Variants in KPNA1 observed in about 807,000 individuals in gnomAD.
KPNA1 encodes the protein karyopherin subunit alpha 1.
Under a neutral mutation model 70.5 loss-of-function variants are expected in KPNA1, and 10 were observed. That is an observed-to-expected ratio of 0.14 (90% confidence interval 0.09 to 0.24). The LOEUF (loss-of-function observed/expected upper bound fraction) is 0.24. Among genes scored for constraint, KPNA1 ranks in the 10% least tolerant of loss-of-function variants. The pLI, the probability that KPNA1 is intolerant of heterozygous loss-of-function variation, is 1.00. For missense variants in KPNA1, 397 were observed against 637.9 expected (o/e 0.62, Z 4.07); for synonymous variants, 192 against 221.9 (o/e 0.87, Z 1.20).
chr3:122,501,136 C>G (rs536272754), intron 1 of KPNA1, among the ~76,000 whole-genome samples: 1 of 149,308 alleles, frequency 6.7e-6, no homozygotes, highest in South Asian at 2.1e-4. Flanking sequence ...TCAAGTGATT[C>G]TCCTGCCTCA....
intron 2 of KPNA1, among the ~76,000 whole-genome samples, chr3:122,477,768 T>C (rs2076519246): frequency 6.6e-6 from 1 of 152,078 alleles, no homozygotes; most frequent in Non-Finnish European, 1.5e-5. Flanking sequence ...ATTTGCTTGA[T>C]TTAGCCATTC....
intron 2 of KPNA1, among the ~76,000 whole-genome samples, chr3:122,482,484 C>A (rs562884043): frequency 7.8e-4 from 118 of 152,198 alleles, no homozygotes; most frequent in South Asian, 3.5e-3. Flanking sequence ...TTCAACACTG[C>A]ACCATTAAGT....
intron 1 of KPNA1, among the ~76,000 whole-genome samples, chr3:122,514,272 G>C (rs2076990196): frequency 6.6e-6 from 1 of 151,986 alleles, no homozygotes; most frequent in Admixed American, 6.5e-5. Flanking sequence ...TGTAACTTGT[G>C]AATTCCCAAG....
At chr3:122,489,539 G>C (rs2076673640) in intron 2 of KPNA1, among the ~76,000 whole-genome samples, 1 of 152,000 alleles carries the variant, frequency 6.6e-6, no homozygotes, top group Non-Finnish European at 1.5e-5. Context: ...CAAAGCACTG[G>C]GATTATAGGT....
At chr3:122,497,107 C>T (rs943614579) in intron 1 of KPNA1, among the ~76,000 whole-genome samples, 2 of 152,196 alleles carry the variant, frequency 1.3e-5, no homozygotes, top group Non-Finnish European at 2.9e-5. Context: ...ATTTTAATCA[C>T]CTCAAAAAGA....
At chr3:122,446,595 C>T (rs927342500) in intron 9 of KPNA1, among the ~76,000 whole-genome samples, 2 of 152,174 alleles carry the variant, frequency 1.3e-5, no homozygotes, top group African/African-American at 4.8e-5. Context: ...CAACACCCAA[C>T]ATCACCATTA....
chr3:122,427,540 T>A lies in KPNA1; in HGVS notation c.1427A>T (p.Tyr476Phe). 1 of 1,611,502 alleles carries A rather than the reference T, an allele frequency of 6.2e-7. No individual in the cohort carries two copies. Among genetic ancestry groups the A allele is most frequent in the Non-Finnish European group, 8.5e-7 (1 of 1,178,912 alleles). The change falls in exon 13 of 14, where the codon TAT becomes TTT. Residue 476 changes from tyrosine to phenylalanine, a missense_variant and splice_region_variant. Tyr to Phe is a conservative substitution (Grantham distance 22). Transcript: ENST00000344337. ...NPYCALIEEA[Y>F]GLDKIEFLQS... ...CTTCTTCAACCAAAGCATCTTACCA[T>A]AAGCTTCTTCAATCAAAGCACAGTA...
At chr3:122,471,454 C>A (rs2076441441) in intron 2 of KPNA1, among the ~76,000 whole-genome samples, 1 of 152,172 alleles carries the variant, frequency 6.6e-6, no homozygotes, top group Non-Finnish European at 1.5e-5. Context: ...CAAGAACCGA[C>A]TGGATGTGGT....
At chr3:122,488,830 TG>T (rs2076660553) in intron 2 of KPNA1, among the ~76,000 whole-genome samples, 1 of 152,230 alleles carries the variant, frequency 6.6e-6, no homozygotes, top group Non-Finnish European at 1.5e-5. Context: ...TTGAGCAGTT[TG>T]GCTATGATAT....
chr3:122,435,200 A>G (rs2075969080), intron 11 of KPNA1, among the ~76,000 whole-genome samples: 1 of 152,158 alleles, frequency 6.6e-6, no homozygotes, highest in South Asian at 2.1e-4. Context: ...ACAAACACAC[A>G]CACACAAAAT....
intron 1 of KPNA1, among the ~76,000 whole-genome samples, chr3:122,503,014 C>G (rs1354127014): frequency 6.6e-6 from 1 of 152,056 alleles, no homozygotes; most frequent in African/African-American, 2.4e-5. Flanking sequence ...GGGAGCATCA[C>G]TTGAGCCTGG....
At chr3:122,431,054 T>C (rs537604695) in intron 12 of KPNA1, among the ~76,000 whole-genome samples, 12 of 152,378 alleles carry the variant, frequency 7.9e-5, no homozygotes, top group African/African-American at 2.6e-4. Flanking sequence ...TTGATGAATG[T>C]TTCTCTAATT....
intron 2 of KPNA1, among the ~76,000 whole-genome samples, chr3:122,480,210 T>C (rs2076554952): frequency 6.6e-6 from 1 of 152,112 alleles, no homozygotes; most frequent in Non-Finnish European, 1.5e-5. Flanking sequence ...GCACAGGGAA[T>C]CTACTCTGTG....
At chr3:122,477,583 C>T (rs754915173) in intron 2 of KPNA1, among the ~76,000 whole-genome samples, 4 of 151,894 alleles carry the variant, frequency 2.6e-5, no homozygotes, top group Non-Finnish European at 5.9e-5. Context: ...GCCTGTAGTC[C>T]CAGCTACTCA....
At chr3:122,445,567 T>G (rs183821261) in intron 9 of KPNA1, among the ~76,000 whole-genome samples, 7 of 152,274 alleles carry the variant, frequency 4.6e-5, no homozygotes, top group African/African-American at 1.7e-4. Flanking sequence ...TGCAAAAACA[T>G]GCCAAATTGT....
At chr3:122,443,751 T>C (rs1275270259) in intron 9 of KPNA1, among the ~76,000 whole-genome samples, 1 of 152,014 alleles carries the variant, frequency 6.6e-6, no homozygotes, top group Non-Finnish European at 1.5e-5. Context: ...AGTGTACGAA[T>C]AGGGTGTGGG....
At position 122,463,959 on chromosome 3, in the gene KPNA1, C is replaced by T. The variant is rs2076353720; in HGVS notation, c.320G>A (p.Arg107Lys). Residue 107 changes from arginine to lysine, a missense_variant, in exon 4 of 14, where the codon AGG becomes AAG. Physicochemically the swap from Arg to Lys is conservative, Grantham distance 26. Coordinates refer to ENST00000344337, the MANE Select transcript of KPNA1 (RefSeq NM_002264.4). ...EQQLSATQKFRKLLSKEPNPP... is the reference protein window; with the variant it reads ...EQQLSATQKFKKLLSKEPNPP... ...TAGCTCACCTTTTGAAAGCAGCTTC[C>T]TGAATTTCTGTGTTGCTGAAAGCTG... is the stretch of plus-strand genomic sequence containing the variant. The T allele has an allele frequency of 6.3e-7, 1 of 1,598,752 alleles. No individual in the cohort carries two copies. The highest frequency in any genetic ancestry group is 1.3e-5 in the African/African-American group (1 of 74,548).
chr3:122,481,184 A>G (rs891609819), intron 2 of KPNA1, among the ~76,000 whole-genome samples: 2 of 152,252 alleles, frequency 1.3e-5, no homozygotes, highest in African/African-American at 4.8e-5. Flanking sequence ...CATACCGTAT[A>G]GTACATACAT....
intron 4 of KPNA1, among the ~76,000 whole-genome samples, chr3:122,462,264 G>C (rs781329740): frequency 3.9e-5 from 6 of 152,092 alleles, no homozygotes; most frequent in Admixed American, 6.6e-5. Flanking sequence ...CAGCATCTAA[G>C]TTTTTTAAAT....
Sources: gnomAD v4.1 joint callset for allele counts (sites outside exome capture counted in the v4.1 genomes callset) on GRCh38, gnomAD v4.1.1 for gene constraint, MANE v1.5 for transcripts, NCBI Gene and HGNC (gene_info 2026-07-23, HGNC 2026-07-21) for gene names.